DHX37: variants seen among roughly 807,000 people sequenced by gnomAD.
DHX37 encodes the protein DEAH-box helicase 37, also known as probable ATP-dependent RNA helicase DHX37.
A neutral mutation model predicts 134.3 loss-of-function variants in DHX37; 52 were observed. That is an observed-to-expected ratio of 0.39 (90% CI 0.31 to 0.49). The LOEUF (loss-of-function observed/expected upper bound fraction) is 0.49, where lower values mean the gene tolerates loss of function less well. Among genes scored for constraint, DHX37 ranks in the 20% least tolerant of loss-of-function variants. The probability of loss-of-function intolerance (pLI) is 0.93; values close to 1 mark genes in which losing one functional copy is unlikely to be tolerated. For synonymous variants in DHX37, 634 were observed against 670.7 expected, an observed-to-expected ratio of 0.95 and a Z score of 0.85; for missense variants, 1,344 against 1,580.8, an observed-to-expected ratio of 0.85 and a Z score of 2.54.
chr12:124,952,212 A>G (rs1416488725), intron 21 of DHX37, among the ~76,000 whole-genome samples, 186 bp downstream of exon 21: 1 of 151,826 alleles, frequency 6.6e-6, no homozygotes, highest in Admixed American at 6.6e-5. Flanking sequence ...CTAAACTGTT[A>G]TTAAAAAAAA....
intron 12 of DHX37, among the ~76,000 whole-genome samples, 175 bp from the exon 13 acceptor site, chr12:124,965,987 T>C (rs1353578997): frequency 5.9e-5 from 9 of 152,174 alleles, no homozygotes; most frequent in East Asian, 5.8e-4. Context: ...CACCTAAACA[T>C]TGGGGACTAT....
chr12:124,953,690 A>G, intron 20 of DHX37, 190 bp downstream of exon 20: 1 of 1,025,016 alleles, frequency 9.8e-7, no homozygotes, highest in Non-Finnish European at 1.4e-6. Context: ...CGAATCTGTT[A>G]GTGCCCTGCT....
intron 1 of DHX37, among the ~76,000 whole-genome samples, chr12:124,988,454 G>A (rs1220290613): frequency 2.0e-5 from 3 of 152,046 alleles, no homozygotes; most frequent in African/African-American, 7.2e-5. Flanking sequence ...TAAACTCAGG[G>A]ATTTTCTAAA....
In DHX37 at chr12:124,977,391, C is replaced by G; in HGVS notation, c.838G>C (p.Gly280Arg). 6.2e-7 allele frequency: 1 copy of G among 1,605,626 alleles called. No individual in the cohort carries two copies. Among genetic ancestry groups the G allele is most frequent in the Non-Finnish European group, 8.5e-7 (1 of 1,176,584 alleles). The change falls in exon 5 of 27, where the codon GGG becomes CGG. Residue 280 changes from glycine (G) to arginine (R), a missense_variant. This residue lies in a region of DHX37 where 77 missense variants were observed against 121.6 expected (regional missense o/e 0.63). Transcript: ENST00000308736. ...AACTGAGGCACCTGTGTGGTCTTCC[C>G]GCTGCCGGTCTCACCACACACGATG... ...IVIVCGETGSGKTTQVPQFLY... is the reference protein window; with the variant it reads ...IVIVCGETGSRKTTQVPQFLY...
At position 124,952,431 on chromosome 12, in the gene DHX37, C is replaced by A; in HGVS notation, c.2835G>T (p.Glu945Asp). 1 of 1,611,168 alleles carries A rather than the reference C, an allele frequency of 6.2e-7. No individual in the cohort carries two copies. Among genetic ancestry groups the A allele is most frequent in the Non-Finnish European group, 8.5e-7 (1 of 1,179,676 alleles). The change falls in exon 21 of 27, where the codon GAG (glutamate) becomes GAT (aspartate). Residue 945 changes from glutamate to aspartate, a missense_variant. Glu to Asp is a conservative substitution (Grantham distance 45). This residue lies in a region of DHX37 where 558 missense variants were observed against 650.0 expected (regional missense o/e 0.86). Coordinates refer to ENST00000308736, the MANE Select transcript of DHX37 (RefSeq NM_032656.4). ...DHLARRVQSE[E>D]MLEDKWRNAY... The stretch of plus-strand genomic sequence containing the variant: ...CGTTCCTCCACTTGTCCTCCAGCAT[C>A]TCCTCGCTCTGGACCCTGCGGGCCA...
At chr12:124,975,381 C>T (rs747970589) in intron 6 of DHX37, 38 bp downstream of exon 6, 16 of 1,604,862 alleles carry the variant, frequency 1.0e-5, no homozygotes, top group Admixed American at 1.7e-5. Flanking sequence ...GGCCACAGGA[C>T]CACCCCATAG....
intron 16 of DHX37, among the ~76,000 whole-genome samples, chr12:124,959,073 C>G (rs75527489): frequency 8.6e-6 from 1 of 115,816 alleles, no homozygotes; most frequent in African/African-American, 4.0e-5. Context: ...CCACACCTGG[C>G]TTTTTTTTTT....
intron 10 of DHX37, among the ~76,000 whole-genome samples, chr12:124,967,727 T>C (rs1954419580): frequency 1.3e-5 from 2 of 152,108 alleles, no homozygotes; most frequent in South Asian, 4.1e-4. Context: ...GCTCCTTGCC[T>C]CCCTAACATG....
chr12:124,986,189 G>T lies in DHX37; in HGVS notation c.183C>A (p.Ala61=). The change falls in exon 2 of 27, where the codon GCC becomes GCA. Residue 61 remains alanine (A), a synonymous_variant. Coordinates refer to ENST00000308736, the MANE Select transcript of DHX37 (RefSeq NM_032656.4). ...LPGKKKKKTK[A]PPLSKKEKKP... ...TCTTCTCCTTCTTCGACAGGGGAGG[G>T]GCTTTGGTCTTCTTTTTCTTCTTCC... The T allele has an allele frequency of 6.2e-7, 1 of 1,614,134 alleles. No homozygotes were observed. The highest frequency in any genetic ancestry group is 8.5e-7 in the Non-Finnish European group (1 of 1,180,028).
rs367640008 is a variant in DHX37, at chr12:124,982,638, G to A, written c.277-15C>T. 8 of 1,611,724 alleles carry A rather than the reference G, an allele frequency of 5.0e-6. No homozygotes were observed. The Admixed American group carries it at 8.3e-5, about 17-fold the overall frequency. On this transcript the variant is annotated splice_polypyrimidine_tract_variant and intron_variant, in intron 2 of 26. Transcript: ENST00000308736. Reference sequence around the variant, plus strand: ...ATCTCTGCTCGCTGGGAAAGGAAACGAGTGTATTATGCATTTGCCATCACG... The same window carrying A: ...ATCTCTGCTCGCTGGGAAAGGAAACAAGTGTATTATGCATTTGCCATCACG...
intron 4 of DHX37, among the ~76,000 whole-genome samples, chr12:124,978,427 C>T (rs1272877277): frequency 6.6e-6 from 1 of 151,774 alleles, no homozygotes; most frequent in Non-Finnish European, 1.5e-5. Context: ...AAGTGATTCT[C>T]CTGCCTCAGC....
Position 124,980,714 on chromosome 12 carries a change from C to T in DHX37, c.514G>A (p.Glu172Lys). The T allele has an allele frequency of 6.4e-7, 1 of 1,565,142 alleles. No homozygotes were observed. Among genetic ancestry groups the T allele is most frequent in the Non-Finnish European group, 8.6e-7 (1 of 1,156,536 alleles). Reference protein sequence around the residue: ...EEEEEEESESELEEESELDED... With the variant: ...EEEEEEESESKLEEESELDED... The stretch of plus-strand genomic sequence containing the variant: ...TCCAGCTCCGACTCCTCCTCCAGCT[C>T]CGATTCCGACTCCTCCTCCTCCTCC... The change falls in exon 4 of 27, where the codon GAG (glutamate) becomes AAG (lysine). Residue 172 changes from glutamate to lysine, a missense_variant. This residue lies in a region of DHX37 where 319 missense variants were observed against 296.1 expected (regional missense o/e 1.08). Transcript: ENST00000308736. The surrounding 1 kb of genome is among the most constrained non-coding windows in gnomAD (Gnocchi z 5.3).
chr12:124,956,653 T>A, intron 18 of DHX37, 38 bp downstream of exon 18: 1 of 1,506,696 alleles, frequency 6.6e-7, no homozygotes, highest in East Asian at 2.4e-5. Context: ...CCGTCGGAAC[T>A]GAGCTTGGCC....
rs759733334 is a variant in DHX37, at chr12:124,972,606, G to C, written c.981-7C>G. 1 of 1,614,020 alleles carries C rather than the reference G, an allele frequency of 6.2e-7. No homozygotes were observed. Among genetic ancestry groups the C allele is most frequent in the Admixed American group, 1.7e-5 (1 of 60,028 alleles). On this transcript the variant is annotated splice_region_variant and splice_polypyrimidine_tract_variant and intron_variant, in intron 6 of 26. Coordinates refer to ENST00000308736, the MANE Select transcript of DHX37 (RefSeq NM_032656.4). ...GATCTGGTAGGAGACGACCCTGTAT[G>C]GGCAGAGTTCGGGTTAGGGCAGAGC...
chr12:124,982,085 T>G (rs1270369560), intron 3 of DHX37, among the ~76,000 whole-genome samples: 1 of 149,090 alleles, frequency 6.7e-6, no homozygotes, highest in Non-Finnish European at 1.5e-5. Context: ...ATCACGCCAT[T>G]GCACTCCAGC....
intron 15 of DHX37, among the ~76,000 whole-genome samples, chr12:124,962,729 C>T (rs11610351): frequency 0.22 from 33,123 of 150,186 alleles, 4,390 homozygotes; most frequent in East Asian, 0.58. Flanking sequence ...TCCAGCTACT[C>T]GGGAGGCTGA....
chr12:124,976,944 G>A (rs184313595), intron 5 of DHX37, among the ~76,000 whole-genome samples: 1 of 151,776 alleles, frequency 6.6e-6, no homozygotes, highest in Admixed American at 6.6e-5. Flanking sequence ...CTGTTGAGGA[G>A]GCTGAGGCAG....
chr12:124,963,211 T>C (rs988271485), intron 15 of DHX37, among the ~76,000 whole-genome samples: 1 of 152,172 alleles, frequency 6.6e-6, no homozygotes, highest in African/African-American at 2.4e-5. Flanking sequence ...GGGGTGAGCC[T>C]TGAAAACTCA....
chr12:124,964,356 G>T, intron 15 of DHX37, 38 bp downstream of exon 15: 1 of 1,607,336 alleles, frequency 6.2e-7, no homozygotes, highest in South Asian at 1.1e-5. Flanking sequence ...ATTGCAAGGC[G>T]GCACCAACGT....
Sources: gnomAD v4.1 joint callset for allele counts (sites outside exome capture counted in the v4.1 genomes callset) on GRCh38, gnomAD v4.1.1 for gene constraint, gnomAD v4.1.1 regional missense constraint, Gnocchi (gnomAD v3.1) non-coding constraint, MANE v1.5 for transcripts, NCBI Gene and HGNC (gene_info 2026-07-23, HGNC 2026-07-21) for gene names.